The following TCEA3 variants were observed in gnomAD, a reference collection of about 807,000 sequenced individuals.
The protein encoded by TCEA3 is transcription elongation factor A3, also known as transcription elongation factor A protein 3.
In TCEA3, 36 loss-of-function variants were observed where a neutral mutation model predicts 44.0. The observed-to-expected ratio is 0.82, with a 90% confidence interval of 0.63 to 1.08. The LOEUF (loss-of-function observed/expected upper bound fraction) is 1.08, where lower values mean the gene tolerates loss of function less well. Among genes scored for constraint, TCEA3 ranks in the 50% least tolerant of loss-of-function variants. TCEA3 has a pLI of 0.00. For synonymous variants in TCEA3, 162 were observed against 159.7 expected, an observed-to-expected ratio of 1.01 and a Z score of -0.11; for missense variants, 392 against 441.2, an observed-to-expected ratio of 0.89 and a Z score of 1.00.
At chr1:23,395,847 A>T (rs1639200935) in intron 7 of TCEA3, among the ~76,000 whole-genome samples, 1 of 150,182 alleles carries the variant, frequency 6.7e-6, no homozygotes. Flanking sequence ...AAAAAAAAGG[A>T]ACTTTCAGTG....
At chr1:23,423,500 T>TC (rs1258237258) in intron 1 of TCEA3, among the ~76,000 whole-genome samples, 4 of 152,162 alleles carry the variant, frequency 2.6e-5, no homozygotes, top group African/African-American at 9.7e-5. Context: ...CAGTGACCCT[T>TC]CCCTGGGCCT....
intron 10 of TCEA3, among the ~76,000 whole-genome samples, 176 bp from the exon 11 acceptor site, chr1:23,381,650 C>T (rs572745053): frequency 9.8e-5 from 15 of 152,332 alleles, no homozygotes; most frequent in African/African-American, 3.4e-4. Context: ...GTAAAATGAG[C>T]TCATAAAGCT....
At chr1:23,395,083 C>T (rs986358853) in intron 7 of TCEA3, among the ~76,000 whole-genome samples, 3 of 152,090 alleles carry the variant, frequency 2.0e-5, no homozygotes, top group African/African-American at 7.2e-5. Context: ...AGATGACTTG[C>T]TAGAAGTGGT....
Position 23,393,951 on chromosome 1 carries a change from C to T in TCEA3, c.747G>A (p.Arg249=). The stretch of plus-strand genomic sequence containing the variant: ...GCACGTTCCGCCGCAGGCCGGGGTT[C>T]CTGGGGTCCTTGAGGTTGCTTATGC... ...RSRISNLKDP[R]NPGLRRNVLS... Residue 249 remains arginine, a synonymous_variant, in exon 8 of 11, where the codon AGG becomes AGA. Transcript: ENST00000450454. 3 of 1,614,022 alleles carry T rather than the reference C, an allele frequency of 1.9e-6. No homozygotes were observed. The highest frequency in any genetic ancestry group is 2.5e-6 in the Non-Finnish European group (3 of 1,179,912).
At chr1:23,405,888 G>A (rs1230131300) in intron 5 of TCEA3, among the ~76,000 whole-genome samples, 3 of 152,122 alleles carry the variant, frequency 2.0e-5, no homozygotes, top group African/African-American at 4.8e-5. Flanking sequence ...ATAGGATGAC[G>A]CTTCATTATC....
intron 5 of TCEA3, chr1:23,404,076 C>G (rs1024562667): frequency 3.0e-5 from 21 of 701,400 alleles, no homozygotes; most frequent in African/African-American, 2.4e-4. Context: ...TGCCCCAGGT[C>G]TGAGTAGAGG....
At chr1:23,391,408 C>T (rs1253724743) in intron 8 of TCEA3, among the ~76,000 whole-genome samples, 1 of 151,454 alleles carries the variant, frequency 6.6e-6, no homozygotes, top group African/African-American at 2.4e-5. Flanking sequence ...TGTTGAAATC[C>T]TAACCCCAAG....
At position 23,421,118 on chromosome 1, in the gene TCEA3, G is replaced by A. The variant is rs552862544; in HGVS notation, c.70-1979C>T. Among the ~76,000 whole-genome samples the A allele has an allele frequency of 1.4e-3, 210 of 152,254 alleles. 1 individual carries two copies. The highest frequency in any genetic ancestry group is 4.8e-3 in the African/African-American group (199 of 41,542). ...TGCAGATGTGTGTGTATGTGAACTT[G>A]GGGGTACACAACTCCAAGTGTAACA... On this transcript the variant is annotated intron_variant, in intron 1 of 10. Transcript: ENST00000450454.
At chr1:23,384,989 T>C (rs779831090) in intron 9 of TCEA3, among the ~76,000 whole-genome samples, 1 of 152,134 alleles carries the variant, frequency 6.6e-6, no homozygotes, top group Admixed American at 6.6e-5. Flanking sequence ...GCAAGCAGGC[T>C]TAGCGGTCTA....
At chr1:23,402,650 C>T (rs1423219438) in intron 5 of TCEA3, among the ~76,000 whole-genome samples, 1 of 152,172 alleles carries the variant, frequency 6.6e-6, no homozygotes. Flanking sequence ...TAGCACATCA[C>T]CTGATTTCTC....
At chr1:23,393,308 C>T (rs898524233) in intron 8 of TCEA3, among the ~76,000 whole-genome samples, 2 of 152,060 alleles carry the variant, frequency 1.3e-5, no homozygotes, top group African/African-American at 4.8e-5. Context: ...CAACAGGTAC[C>T]AGCTGGTGGC....
chr1:23,388,785 A>C (rs1043875092), intron 8 of TCEA3, among the ~76,000 whole-genome samples: 1 of 151,992 alleles, frequency 6.6e-6, no homozygotes, highest in African/African-American at 2.4e-5. Context: ...GGCTCAAACG[A>C]TTCTCCCACC....
intron 10 of TCEA3, 116 bp downstream of exon 10, chr1:23,384,230 G>T: frequency 6.3e-7 from 1 of 1,586,818 alleles, no homozygotes; most frequent in African/African-American, 1.3e-5. Flanking sequence ...CCTACTCTGT[G>T]CAGGCTGGCA....
chr1:23,402,349 A>T (rs1461112432), intron 5 of TCEA3, among the ~76,000 whole-genome samples: 1 of 152,166 alleles, frequency 6.6e-6, no homozygotes, highest in Non-Finnish European at 1.5e-5. Context: ...CCAAAAAAAC[A>T]AACAAAAACA....
chr1:23,399,134 ATGTATATATG>A (rs1320285014), intron 5 of TCEA3, among the ~76,000 whole-genome samples: 8 of 74,766 alleles, frequency 1.1e-4, no homozygotes, highest in Admixed American at 3.7e-4. Flanking sequence ...GTTTATATAT[ATGTATATATG>A]TATATATATA....
At chr1:23,403,851 C>T (rs1413089740) in intron 5 of TCEA3, 18 of 505,080 alleles carry the variant, frequency 3.6e-5, no homozygotes, top group East Asian at 1.3e-4. Context: ...GCCCTGGTCC[C>T]GCCTCCCCGG....
chr1:23,399,509 T>C (rs1639334484), intron 5 of TCEA3, among the ~76,000 whole-genome samples: 1 of 152,016 alleles, frequency 6.6e-6, no homozygotes, highest in Admixed American at 6.6e-5. Context: ...TTTCAACATA[T>C]GAATTTTAGG....
At chr1:23,393,829 G>A in intron 8 of TCEA3, 50 bp downstream of exon 8, 2 of 1,595,974 alleles carry the variant, frequency 1.3e-6, no homozygotes, top group Admixed American at 1.7e-5. Context: ...ACTAGGCAGG[G>A]CTAGGGGGAC....
intron 5 of TCEA3, chr1:23,404,018 C>A: frequency 1.5e-6 from 1 of 668,376 alleles, no homozygotes; most frequent in South Asian, 1.5e-5. Context: ...CAGCTTCCTT[C>A]TGCTCCCCGG....
Sources: allele counts gnomAD v4.1 joint callset (sites outside exome capture counted in the v4.1 genomes callset), GRCh38; gene constraint gnomAD v4.1.1; transcripts MANE v1.5; gene names NCBI Gene and HGNC (gene_info 2026-07-23, HGNC 2026-07-21).